Variants in SNX25 observed in about 807,000 individuals in gnomAD.
SNX25 encodes sorting nexin 25, also known as sorting nexin-25.
Under a neutral mutation model 113.7 loss-of-function variants are expected in SNX25, and 62 were observed. The observed-to-expected ratio is 0.55, with a 90% CI of 0.44 to 0.67. The LOEUF (loss-of-function observed/expected upper bound fraction) is 0.67. SNX25 is among the 30% of genes least tolerant of loss of function. The pLI is 0.00. For synonymous variants in SNX25, 421 were observed against 436.2 expected (o/e 0.97, Z 0.43); for missense variants, 1,014 against 1,161.0 (o/e 0.87, Z 1.84).
chr4:185,367,071 C>T (rs1430697844), downstream of SNX25: 1 of 960,920 alleles, frequency 1.0e-6, no homozygotes, highest in African/African-American at 1.6e-5. Context: ...TGTAAAATAC[C>T]CAGGATAGTG....
intron 1 of SNX25, among the ~76,000 whole-genome samples, chr4:185,228,381 G>C (rs1234666516): frequency 6.6e-6 from 1 of 152,060 alleles, no homozygotes; most frequent in Admixed American, 6.6e-5. Flanking sequence ...ACTTTAGTAG[G>C]AGATAAAAAT....
At chr4:185,333,982 A>G (rs2095213628) in intron 10 of SNX25, among the ~76,000 whole-genome samples, 1 of 151,332 alleles carries the variant, frequency 6.6e-6, no homozygotes, top group Non-Finnish European at 1.5e-5. Context: ...CTGGAAAGTC[A>G]AGGCTGCAGT....
At chr4:185,316,485 A>G (rs2095075402) in intron 7 of SNX25, among the ~76,000 whole-genome samples, 2 of 152,222 alleles carry the variant, frequency 1.3e-5, no homozygotes, top group Admixed American at 6.5e-5. Context: ...TTTTGAAAAC[A>G]AAAAGTCTGT....
intron 1 of SNX25, among the ~76,000 whole-genome samples, chr4:185,220,307 G>A (rs1739583688): frequency 6.6e-6 from 1 of 151,704 alleles, no homozygotes; most frequent in Non-Finnish European, 1.5e-5. Flanking sequence ...TATACTTTAA[G>A]TTTTAGGGTA....
intron 1 of SNX25, among the ~76,000 whole-genome samples, chr4:185,241,749 A>T (rs1744091249): frequency 6.6e-6 from 1 of 152,134 alleles, no homozygotes; most frequent in South Asian, 2.1e-4. Context: ...ATCCTTTGTG[A>T]CAGTGGGCAA....
chr4:185,330,716 G>T lies in SNX25; in HGVS notation c.1750-1879G>T, dbSNP rs182349800. ...TATCTCCAGCCCTGAGGACTCAAGT[G>T]CTTGCTCTTGATGGTATTAGAAGTC... On this transcript the variant is annotated intron_variant, in intron 9 of 18. Transcript: ENST00000652585. Among the ~76,000 whole-genome samples the T allele has an allele frequency of 2.2e-3, 331 of 152,230 alleles. 1 individual carries two copies. Among genetic ancestry groups the T allele is most frequent in the Middle Eastern group, 0.017 (5 of 294 alleles).
At chr4:185,255,300 A>C (rs149085878) in intron 2 of SNX25, among the ~76,000 whole-genome samples, 2,002 of 152,018 alleles carry the variant, frequency 0.013, 19 homozygotes, top group Non-Finnish European at 0.022. Flanking sequence ...CGCACGGCTA[A>C]TTTTTGTATT....
rs373821122 is a variant in SNX25, at chr4:185,242,803, C to T, written c.430-4491C>T. Among the ~76,000 whole-genome samples, 21 of 152,262 alleles carry T rather than the reference C, an allele frequency of 1.4e-4. No homozygotes were observed. In the East Asian group the frequency reaches 1.5e-3, roughly 11 times the overall value. ...CAGAAAAAGGTCAGAGACTTGCCCC[C>T]GAGGCCCGACACACCCAACATTATA... On this transcript the variant is annotated intron_variant, in intron 1 of 18. Transcript: ENST00000652585.
chr4:185,339,618 T>C, intron 11 of SNX25, 108 bp downstream of exon 11: 1 of 1,358,848 alleles, frequency 7.4e-7, no homozygotes, highest in Non-Finnish European at 9.9e-7. Flanking sequence ...ACACTCATTC[T>C]TTTAGACCAT....
intron 2 of SNX25, among the ~76,000 whole-genome samples, chr4:185,247,903 T>A (rs34543522): frequency 0.34 from 51,266 of 152,090 alleles, 10,453 homozygotes; most frequent in East Asian, 0.55. Flanking sequence ...ATTAAAATTT[T>A]AAAAAATATA....
chr4:185,237,842 C>CAG (rs1182508918), intron 1 of SNX25, among the ~76,000 whole-genome samples: 4 of 151,702 alleles, frequency 2.6e-5, no homozygotes, highest in Admixed American at 2.0e-4. Context: ...GTGGGCGGAT[C>CAG]ACCTGAGGTC....
chr4:185,211,848 T>C (rs1176717297), intron 1 of SNX25, among the ~76,000 whole-genome samples: 4 of 151,822 alleles, frequency 2.6e-5, no homozygotes. Flanking sequence ...ATTGAAAGCC[T>C]CCTGTTGTGG....
the SNX25 span, chr4:185,378,443 T>C: frequency 2.3e-6 from 3 of 1,281,990 alleles, no homozygotes; most frequent in South Asian, 5.8e-5. Flanking sequence ...GCATTCACCA[T>C]GAGACCTGTT....
rs1477516380 is a variant in SNX25 at position 185,242,077 on chromosome 4, TAA to T, written c.430-5216_430-5215del. 5.9e-5 allele frequency among the ~76,000 whole-genome samples: 9 copies of T among 152,042 alleles called. 1 individual carries two copies. Among genetic ancestry groups the T allele is most frequent in the African/African-American group, 1.9e-4 (8 of 41,494 alleles). On this transcript the variant is annotated intron_variant, in intron 1 of 18. Coordinates refer to ENST00000652585, the MANE Select transcript of SNX25 (RefSeq NM_001378034.2). The stretch of plus-strand genomic sequence containing the variant: ...TTCTACCCTTTTGACCTGAAAGAAA[TAA>T]GAGTATGTAGTGGCTGCTCATTCAG...
intron 1 of SNX25, among the ~76,000 whole-genome samples, chr4:185,219,161 A>G (rs1374787006): frequency 2.0e-5 from 3 of 152,148 alleles, no homozygotes; most frequent in Non-Finnish European, 2.9e-5. Context: ...GAATGTCTGG[A>G]GGGCCTTGGT....
intron 8 of SNX25, among the ~76,000 whole-genome samples, chr4:185,322,565 A>G (rs1337008669): frequency 2.0e-5 from 3 of 152,246 alleles, no homozygotes; most frequent in East Asian, 1.9e-4. Context: ...ATCCAGTCCT[A>G]TAGTGTCTTT....
intron 1 of SNX25, among the ~76,000 whole-genome samples, chr4:185,240,375 G>A (rs1338274491): frequency 3.2e-4 from 46 of 144,152 alleles, no homozygotes; most frequent in African/African-American, 3.3e-4. Flanking sequence ...TCCCGGACGG[G>A]GCGGCTGGCC....
chr4:185,313,864 A>G (rs1397693859), intron 7 of SNX25, among the ~76,000 whole-genome samples: 2 of 152,232 alleles, frequency 1.3e-5, no homozygotes, highest in East Asian at 1.9e-4. Context: ...TGTTATGTGT[A>G]TTATATACTG....
chr4:185,211,072 A>G (rs888565155), intron 1 of SNX25, among the ~76,000 whole-genome samples: 4 of 152,194 alleles, frequency 2.6e-5, no homozygotes, highest in Non-Finnish European at 4.4e-5. Context: ...CATCATTCTA[A>G]TGAAATTGCC....
Sources: allele counts gnomAD v4.1 joint callset (sites outside exome capture counted in the v4.1 genomes callset), GRCh38; gene constraint gnomAD v4.1.1; transcripts MANE v1.5; gene names NCBI Gene and HGNC (gene_info 2026-07-23, HGNC 2026-07-21).